The following SCYL2 variants were observed in gnomAD, a reference collection of about 807,000 sequenced individuals.
SCYL2 encodes SCY1 like pseudokinase 2, also known as SCY1-like protein 2.
In SCYL2, 36 loss-of-function variants were observed where a neutral mutation model predicts 100.4. The ratio of observed to expected loss-of-function variants is 0.36; its 90% confidence interval spans 0.27 to 0.47. SCYL2 has a LOEUF of 0.47. Ranked by LOEUF, SCYL2 falls within the 20% of genes least tolerant of loss-of-function variation. The pLI is 1.00. For missense variants in SCYL2, 902 were observed against 1,083.9 expected, an observed-to-expected ratio of 0.83 and a Z score of 2.36; for synonymous variants, 330 against 359.2, an observed-to-expected ratio of 0.92 and a Z score of 0.92.
chr12:100,314,600 C>T lies in SCYL2; in HGVS notation c.1081C>T (p.Pro361Ser). 1 of 1,595,030 alleles carries T rather than the reference C, an allele frequency of 6.3e-7. No individual in the cohort carries two copies. Among genetic ancestry groups the T allele is most frequent in the African/African-American group, 1.4e-5 (1 of 73,686 alleles). Residue 361 changes from proline to serine, a missense_variant, in exon 8 of 18, where the codon CCA (proline) becomes TCA (serine). Transcript: ENST00000360820. ...TTTCAAAGGACTGCCAAAGGTTCTA[C>T]CAAAACTGCCCAAGGTTTGTTATTG... ...QFFKGLPKVL[P>S]KLPKRVIVQR...
chr12:100,325,422 T>G (rs2096360625), intron 11 of SCYL2, among the ~76,000 whole-genome samples: 1 of 152,226 alleles, frequency 6.6e-6, no homozygotes, highest in Non-Finnish European at 1.5e-5. Flanking sequence ...GAACAGTAAC[T>G]AGGAATGGAT....
intron 13 of SCYL2, among the ~76,000 whole-genome samples, chr12:100,331,145 G>GT (rs1952204570): frequency 6.6e-6 from 1 of 152,028 alleles, no homozygotes; most frequent in African/African-American, 2.4e-5. Context: ...TTAATTTTTG[G>GT]TTTGGTAATT....
chr12:100,308,210 TCA>T (rs2096337096), intron 4 of SCYL2, among the ~76,000 whole-genome samples: 1 of 152,170 alleles, frequency 6.6e-6, no homozygotes, highest in Non-Finnish European at 1.5e-5. Flanking sequence ...GCAGCACTAT[TCA>T]CAGTAGCAAA....
At chr12:100,328,630 G>A (rs1952168678) in intron 12 of SCYL2, among the ~76,000 whole-genome samples, 1 of 152,200 alleles carries the variant, frequency 6.6e-6, no homozygotes, top group African/African-American at 2.4e-5. Context: ...AATGTACTCA[G>A]TTTACCAAAT....
At chr12:100,320,212 C>T (rs887432706) in intron 10 of SCYL2, among the ~76,000 whole-genome samples, 4 of 152,090 alleles carry the variant, frequency 2.6e-5, no homozygotes, top group African/African-American at 9.7e-5. Context: ...TTGCAATCTC[C>T]TGTTATTAAA....
intron 2 of SCYL2, 34 bp from the exon 3 acceptor site, chr12:100,291,469 T>A (rs372535889): frequency 1.1e-4 from 144 of 1,361,242 alleles, no homozygotes; most frequent in Non-Finnish European, 1.3e-4. Flanking sequence ...TTTTCTATAT[T>A]TCTTGACTAA....
intron 3 of SCYL2, chr12:100,291,947 C>T: frequency 4.0e-6 from 1 of 251,248 alleles, no homozygotes; most frequent in Non-Finnish European, 7.5e-6. Context: ...GTATAGAATA[C>T]AGTTCTTGCC....
chr12:100,318,250 C>G (rs1270902264), intron 10 of SCYL2, among the ~76,000 whole-genome samples: 1 of 151,860 alleles, frequency 6.6e-6, no homozygotes, highest in Non-Finnish European at 1.5e-5. Context: ...TTATTGTATA[C>G]CTTCATCTTT....
intron 1 of SCYL2, among the ~76,000 whole-genome samples, chr12:100,274,450 A>G (rs2096290601): frequency 1.3e-5 from 2 of 152,214 alleles, no homozygotes; most frequent in Admixed American, 1.3e-4. Context: ...TGTGACAACC[A>G]TCTTCTTAAC....
At chr12:100,269,987 CTTTT>C (rs548843835) in intron 1 of SCYL2, among the ~76,000 whole-genome samples, 1 of 142,988 alleles carries the variant, frequency 7.0e-6, no homozygotes, top group Non-Finnish European at 1.5e-5. Flanking sequence ...AGATTTTATA[CTTTT>C]TTTTTTTTTT....
intron 1 of SCYL2, among the ~76,000 whole-genome samples, chr12:100,273,985 A>G (rs1303955547): frequency 6.6e-6 from 1 of 152,234 alleles, no homozygotes; most frequent in Non-Finnish European, 1.5e-5. Context: ...CCTTCCCGTC[A>G]AAATCAACAG....
intron 10 of SCYL2, among the ~76,000 whole-genome samples, chr12:100,319,042 C>A (rs1285432558): frequency 6.6e-6 from 1 of 152,176 alleles, no homozygotes; most frequent in Non-Finnish European, 1.5e-5. Flanking sequence ...CTTATAGTCT[C>A]TGCTAGTATA....
intron 1 of SCYL2, among the ~76,000 whole-genome samples, chr12:100,274,277 C>T (rs1236551091): frequency 2.6e-5 from 4 of 152,142 alleles, no homozygotes; most frequent in African/African-American, 4.8e-5. Flanking sequence ...ACATGTGCTC[C>T]TCTTGCACAT....
intron 9 of SCYL2, 47 bp from the exon 10 acceptor site, chr12:100,317,756 T>G: frequency 5.8e-6 from 9 of 1,548,806 alleles, no homozygotes; most frequent in Non-Finnish European, 7.8e-6. Context: ...ATATTGAATC[T>G]TTTAAAGATT....
intron 8 of SCYL2, among the ~76,000 whole-genome samples, 193 bp from the exon 9 acceptor site, chr12:100,315,365 C>T (rs76848511): frequency 0.026 from 3,895 of 152,216 alleles, 63 homozygotes; most frequent in South Asian, 0.078. Flanking sequence ...CATGACCTTT[C>T]CAGTTTATGC....
chr12:100,335,527 G>A lies in SCYL2; in HGVS notation c.1863-98G>A, dbSNP rs934138695. On this transcript the variant is annotated intron_variant, in intron 14 of 17. Transcript: ENST00000360820. ...GACTCTTCTTAAAGAGTTTAATTGG[G>A]GTCTAATAAATTCCATGTGAATAAA... is the stretch of plus-strand genomic sequence containing the variant. 10 of 805,840 alleles carry A rather than the reference G, an allele frequency of 1.2e-5. No individual in the cohort carries two copies. In the African/African-American group the frequency reaches 1.7e-4, roughly 14 times the overall value. The allele number at this position is 805,840 out of a possible 1,614,324, so 49.9% of individuals were successfully genotyped here.
intron 10 of SCYL2, among the ~76,000 whole-genome samples, chr12:100,321,782 C>T (rs1018057486): frequency 1.3e-5 from 2 of 152,130 alleles, no homozygotes; most frequent in African/African-American, 4.8e-5. Flanking sequence ...GTAGCTCACA[C>T]CTGTAATTTG....
chr12:100,300,795 C>T (rs1425001160), intron 4 of SCYL2, among the ~76,000 whole-genome samples: 1 of 152,184 alleles, frequency 6.6e-6, no homozygotes, highest in African/African-American at 2.4e-5. Context: ...TAATGACACC[C>T]AGTTCCATCT....
At chr12:100,283,423 T>C (rs2096301054) in intron 2 of SCYL2, among the ~76,000 whole-genome samples, 4 of 152,186 alleles carry the variant, frequency 2.6e-5, no homozygotes. Context: ...AGCAAACGAG[T>C]ATATTAGATT....
Sources: allele counts gnomAD v4.1 joint callset (sites outside exome capture counted in the v4.1 genomes callset), GRCh38; gene constraint gnomAD v4.1.1; transcripts MANE v1.5; gene names NCBI Gene and HGNC (gene_info 2026-07-23, HGNC 2026-07-21).